AKAP6: variants seen among roughly 807,000 people sequenced by gnomAD.
AKAP6 encodes A-kinase anchor protein 6.
AKAP6 carries 58 observed loss-of-function variants against 188.5 expected under a neutral mutation model. The ratio of observed to expected loss-of-function variants is 0.31; its 90% CI spans 0.25 to 0.38. The LOEUF (loss-of-function observed/expected upper bound fraction) is 0.38, where lower values mean the gene tolerates loss of function less well. Ranked by LOEUF, AKAP6 falls within the 10% of genes least tolerant of loss-of-function variation. The probability of loss-of-function intolerance (pLI) is 1.00; values close to 1 mark genes in which losing one functional copy is unlikely to be tolerated. For synonymous variants in AKAP6, 989 were observed against 998.6 expected, an observed-to-expected ratio of 0.99 and a Z score of 0.18; for missense variants, 2,710 against 2,740.0, an observed-to-expected ratio of 0.99 and a Z score of 0.24.
chr14:32,794,558 T>TCAAACAAA (rs575664862), intron 12 of AKAP6, among the ~76,000 whole-genome samples: 3 of 152,048 alleles, frequency 2.0e-5, no homozygotes, highest in Non-Finnish European at 4.4e-5. Context: ...AGACTGCATC[T>TCAAACAAA]CAAACAAACA....
intron 3 of AKAP6, 48 bp downstream of exon 3, chr14:32,535,853 A>G: frequency 6.4e-7 from 1 of 1,566,852 alleles, no homozygotes; most frequent in Non-Finnish European, 8.7e-7. Context: ...GGTATGACCA[A>G]TTGAGAATGT....
intron 7 of AKAP6, among the ~76,000 whole-genome samples, chr14:32,639,438 T>G (rs1282553814): frequency 6.6e-6 from 1 of 152,128 alleles, no homozygotes; most frequent in Non-Finnish European, 1.5e-5. Flanking sequence ...TGTGTCTATA[T>G]AGCACAACAA....
At chr14:32,732,975 C>A in intron 10 of AKAP6, 1 of 358,252 alleles carries the variant, frequency 2.8e-6, no homozygotes, top group Non-Finnish European at 5.0e-6. Context: ...TGAGAGACAT[C>A]TACTGTTTAA....
chr14:32,506,783 T>G (rs1452079688), intron 2 of AKAP6, among the ~76,000 whole-genome samples: 1 of 151,976 alleles, frequency 6.6e-6, no homozygotes, highest in African/African-American at 2.4e-5. Flanking sequence ...TCTGCCCACT[T>G]TGGCCTCCCA....
intron 4 of AKAP6, among the ~76,000 whole-genome samples, chr14:32,569,402 G>T (rs9322904): frequency 0.83 from 125,875 of 152,168 alleles, 52,250 homozygotes; most frequent in African/African-American, 0.9. Context: ...AAGCATACAC[G>T]ATCTTTCCTC....
intron 1 of AKAP6, among the ~76,000 whole-genome samples, chr14:32,388,535 T>C (rs1480539505): frequency 6.6e-6 from 1 of 151,986 alleles, no homozygotes; most frequent in Non-Finnish European, 1.5e-5. Context: ...GACCCAGAGG[T>C]TTGGTAGGTT....
Position 32,555,002 on chromosome 14 carries a change from C to T in AKAP6, c.2346+8003C>T, listed in dbSNP as rs142672759. On this transcript the variant is annotated intron_variant, in intron 4 of 13. Coordinates refer to ENST00000280979, the MANE Select transcript of AKAP6 (RefSeq NM_004274.5). ...CAAGAGATGTAAATGTCTTCATATG[C>T]CAAATTAGAGCATCTTGATTATAGT... Among the ~76,000 whole-genome samples the T allele has an allele frequency of 8.9e-4, 135 of 152,270 alleles. 2 individuals are homozygous for T. The East Asian group carries it at 0.021, about 24-fold the overall frequency.
At chr14:32,780,155 A>AAAATATATATATATATATATATAT (rs1555361856) in intron 12 of AKAP6, among the ~76,000 whole-genome samples, 1 of 91,442 alleles carries the variant, frequency 1.1e-5, no homozygotes, top group African/African-American at 4.1e-5. Context: ...TGAAAAAAAA[A>AAAATATATATATATATATATATAT]ACATATATAT....
intron 2 of AKAP6, among the ~76,000 whole-genome samples, chr14:32,506,693 C>T (rs773544109): frequency 3.3e-5 from 5 of 151,946 alleles, no homozygotes; most frequent in Non-Finnish European, 4.4e-5. Context: ...CTACCACACC[C>T]GGCTAATTTT....
chr14:32,453,653 G>C (rs113956627), intron 2 of AKAP6, among the ~76,000 whole-genome samples: 2,805 of 128,782 alleles, frequency 0.022, 209 homozygotes, highest in African/African-American at 0.076. Context: ...CGGGAGTGCA[G>C]TGGCGCGATC....
intron 7 of AKAP6, among the ~76,000 whole-genome samples, chr14:32,613,340 C>T (rs1012664119): frequency 3.3e-5 from 5 of 152,134 alleles, no homozygotes; most frequent in African/African-American, 1.2e-4. Context: ...GGGAATTAGA[C>T]CATTTCTAAT....
chr14:32,781,720 T>G (rs1290191054), intron 12 of AKAP6, among the ~76,000 whole-genome samples: 2 of 152,138 alleles, frequency 1.3e-5, no homozygotes, highest in African/African-American at 4.8e-5. Flanking sequence ...TATTGTGAGG[T>G]TTAGCCTAGA....
chr14:32,492,355 T>TATATATAAG, intron 2 of AKAP6, among the ~76,000 whole-genome samples: 2 of 82,586 alleles, frequency 2.4e-5, no homozygotes, highest in South Asian at 1.4e-3. Flanking sequence ...TATATATATA[T>TATATATAAG]AGAGAGAGAG....
In AKAP6 at chr14:32,821,979, C is replaced by T; in HGVS notation, c.4166C>T (p.Ser1389Phe). The change falls in exon 13 of 14, where the codon TCC (serine) becomes TTC (phenylalanine). Residue 1389 changes from serine to phenylalanine, a missense_variant. Ser to Phe is a radical substitution (Grantham distance 155). This residue lies in a region of AKAP6 where 2,473 missense variants were observed against 2,426.1 expected (regional missense o/e 1.02). Transcript: ENST00000280979. The stretch of plus-strand genomic sequence containing the variant: ...TGCTTGCTCAATGCAGTGGATGGGT[C>T]CCCAAGTAACCTTGAAACTGAACAT... ...EMCLLNAVDG[S>F]PSNLETEHLD... 6.2e-7 allele frequency: 1 copy of T among 1,613,862 alleles called. No homozygotes were observed. Among genetic ancestry groups the T allele is most frequent in the Non-Finnish European group, 8.5e-7 (1 of 1,179,928 alleles).
intron 1 of AKAP6, among the ~76,000 whole-genome samples, chr14:32,407,716 A>G (rs550948097): frequency 6.6e-6 from 1 of 152,178 alleles, no homozygotes; most frequent in East Asian, 1.9e-4. Context: ...TCTCTATCAA[A>G]TGGTACCATG....
chr14:32,671,224 T>G (rs1380527550), intron 7 of AKAP6, among the ~76,000 whole-genome samples: 2 of 152,064 alleles, frequency 1.3e-5, no homozygotes, highest in Non-Finnish European at 1.5e-5. Context: ...TGAGCTGTCG[T>G]GCAAACACAA....
chr14:32,415,322 C>T (rs1889621691), intron 1 of AKAP6, among the ~76,000 whole-genome samples: 2 of 152,104 alleles, frequency 1.3e-5, no homozygotes, highest in African/African-American at 4.8e-5. Flanking sequence ...TATCTTAAGA[C>T]TTTCATTACT....
intron 7 of AKAP6, among the ~76,000 whole-genome samples, chr14:32,633,767 G>A (rs1887374574): frequency 6.6e-6 from 1 of 152,030 alleles, no homozygotes. Context: ...TCTAACATTG[G>A]AGGGTTGTTA....
intron 4 of AKAP6, among the ~76,000 whole-genome samples, chr14:32,555,980 T>C (rs1883669050): frequency 6.7e-6 from 1 of 148,878 alleles, no homozygotes; most frequent in South Asian, 2.1e-4. Context: ...TGCTGGATGT[T>C]TTTTTTTTTT....
Sources: gnomAD v4.1 joint callset for allele counts (sites outside exome capture counted in the v4.1 genomes callset) on GRCh38, gnomAD v4.1.1 for gene constraint, gnomAD v4.1.1 regional missense constraint, MANE v1.5 for transcripts, NCBI Gene and HGNC (gene_info 2026-07-23, HGNC 2026-07-21) for gene names.